Variants in NRBP2 observed in about 807,000 individuals in gnomAD.
NRBP2 encodes the protein nuclear receptor-binding protein 2.
Under a neutral mutation model 74.4 loss-of-function variants are expected in NRBP2, and 47 were observed. The ratio of observed to expected loss-of-function variants is 0.63; its 90% confidence interval spans 0.50 to 0.81. The LOEUF (loss-of-function observed/expected upper bound fraction) is 0.81, where lower values mean the gene tolerates loss of function less well. NRBP2 is among the 30% of genes least tolerant of loss of function. NRBP2 has a pLI of 0.00. For synonymous variants in NRBP2, 312 were observed against 273.8 expected (o/e 1.14, Z -1.38); for missense variants, 613 against 690.1 (o/e 0.89, Z 1.25).
Position 143,840,586 on chromosome 8 carries a change from G to A in NRBP2, c.129+120C>T. ...GGGTGGCTGATTCGCGGGCCGCGAGGGGCCGCGGAGAGGTTTCCAGCCGCC... is the reference window on the plus strand; with the variant it reads ...GGGTGGCTGATTCGCGGGCCGCGAGAGGCCGCGGAGAGGTTTCCAGCCGCC... On this transcript the variant is annotated intron_variant, in intron 1 of 17. Transcript: ENST00000442628. This position sits in a 1 kb window ranked among gnomAD's most constrained non-coding sequence, Gnocchi z 5.7. 2 of 1,024,042 alleles carry A rather than the reference G, an allele frequency of 2.0e-6. No homozygotes were observed. The highest frequency in any genetic ancestry group is 1.3e-6 in the Non-Finnish European group (1 of 748,258). The allele number at this position is 1,024,042 out of a possible 1,614,324, so 63.4% of individuals were successfully genotyped here. A position where few individuals can be genotyped will look rare whatever the true frequency, so the allele number is the denominator to read the frequency against.
In NRBP2 at chr8:143,835,533, T is replaced by A. The variant is rs1270172181; in HGVS notation, c.*129A>T. On this transcript the variant is annotated 3_prime_UTR_variant, in exon 18 of 18. Coordinates refer to ENST00000442628, the MANE Select transcript of NRBP2 (RefSeq NM_178564.4). This position sits in a 1 kb window ranked among gnomAD's most constrained non-coding sequence, Gnocchi z 4.9. ...AGCCCCACTCTCAGGAGACGGGGGG[T>A]TCCTTCACTACCGGGGCCTTTGTGC... The A allele has an allele frequency of 3.0e-6, 2 of 659,302 alleles. No homozygotes were observed. Among genetic ancestry groups the A allele is most frequent in the African/African-American group, 4.1e-5 (2 of 48,552 alleles). The allele number at this position is 659,302 out of a possible 1,614,324, so 40.8% of individuals were successfully genotyped here.
chr8:143,839,473 C>G lies in NRBP2; in HGVS notation c.485+36G>C, dbSNP rs1554652997. 10 of 1,531,546 alleles carry G rather than the reference C, an allele frequency of 6.5e-6. No homozygotes were observed. The South Asian group carries it at 1.1e-4, about 16-fold the overall frequency. 94.9% of individuals were successfully genotyped at this position (1,531,546 alleles called of 1,614,324 possible). ...AGGAGGCTCTGGAGAGATGGGGGCT[C>G]GGTGGCGCCGCGCCCAGGCCAGCCC... is the stretch of plus-strand genomic sequence containing the variant. On this transcript the variant is annotated intron_variant, in intron 5 of 17. Transcript: ENST00000442628. This position sits in a 1 kb window ranked among gnomAD's most constrained non-coding sequence, Gnocchi z 5.1.
In NRBP2 at chr8:143,835,778, G is replaced by C; in HGVS notation, c.1437+42C>G. The C allele has an allele frequency of 6.2e-7, 1 of 1,602,350 alleles. No homozygotes were observed. Among genetic ancestry groups the C allele is most frequent in the Non-Finnish European group, 8.5e-7 (1 of 1,174,490 alleles). The stretch of plus-strand genomic sequence containing the variant: ...GGGACGGAGGGGCGCGGCCTGCCCC[G>C]TGCGCCCCCTCCGCCAGGCCGCGCC... On this transcript the variant is annotated intron_variant, in intron 17 of 17. Transcript: ENST00000442628. The surrounding 1 kb of genome is among the most constrained non-coding windows in gnomAD (Gnocchi z 4.9).
intron 14 of NRBP2, among the ~76,000 whole-genome samples, chr8:143,836,711 A>T (rs61422275): frequency 2.6e-4 from 1 of 3,860 alleles, no homozygotes; most frequent in African/African-American, 3.5e-4. Context: ...GGGGGGTGGG[A>T]GGGGTGCGGG....
At position 143,840,588 on chromosome 8, in the gene NRBP2, G is replaced by T; in HGVS notation, c.129+118C>A. On this transcript the variant is annotated intron_variant, in intron 1 of 17. Coordinates refer to ENST00000442628, the MANE Select transcript of NRBP2 (RefSeq NM_178564.4). This position sits in a 1 kb window ranked among gnomAD's most constrained non-coding sequence, Gnocchi z 5.7. Reference sequence around the variant, plus strand: ...GTGGCTGATTCGCGGGCCGCGAGGGGCCGCGGAGAGGTTTCCAGCCGCCGC... The same window carrying T: ...GTGGCTGATTCGCGGGCCGCGAGGGTCCGCGGAGAGGTTTCCAGCCGCCGC... 9.6e-7 allele frequency: 1 copy of T among 1,040,584 alleles called. No homozygotes were observed. Among genetic ancestry groups the T allele is most frequent in the Non-Finnish European group, 1.3e-6 (1 of 763,062 alleles). 64.5% of individuals were successfully genotyped at this position (1,040,584 alleles called of 1,614,324 possible). A position where few individuals can be genotyped will look rare whatever the true frequency, so the allele number is the denominator to read the frequency against.
downstream of NRBP2, among the ~76,000 whole-genome samples, chr8:143,832,027 C>CT (rs1266326596): frequency 1.3e-5 from 2 of 152,226 alleles, 1 homozygote; most frequent in South Asian, 4.1e-4. Context: ...GTTACTGTGT[C>CT]TGTGTAGAAA....
rs782181494 is a variant in NRBP2 at position 143,836,060 on chromosome 8, G to T, written c.1318-30C>A. 3 of 1,567,192 alleles carry T rather than the reference G, an allele frequency of 1.9e-6. No homozygotes were observed. The East Asian group carries it at 6.8e-5, about 36-fold the overall frequency. Reference sequence around the variant, plus strand: ...GGAGGCGGCGGGGCGTGGTCGGCTGGGGGTTCAGGGCTCCGCCACGCTCCC... The same window carrying T: ...GGAGGCGGCGGGGCGTGGTCGGCTGTGGGTTCAGGGCTCCGCCACGCTCCC... On this transcript the variant is annotated intron_variant, in intron 15 of 17. Transcript: ENST00000442628.
Position 143,835,665 on chromosome 8 carries a change from G to C in NRBP2, c.1503C>G (p.Ala501=). 1 of 1,590,446 alleles carries C rather than the reference G, an allele frequency of 6.3e-7. No individual in the cohort carries two copies. Among genetic ancestry groups the C allele is most frequent in the African/African-American group, 1.4e-5 (1 of 73,944 alleles). ...CCCCTGGGGCTGGGGCTCCGGGTCA[G>C]GCCTGGGTCCCACGGTACTTGAGGA... is the stretch of plus-strand genomic sequence containing the variant. ...STFLKYRGTQ[A] Residue 501 remains alanine, a synonymous_variant, in exon 18 of 18, where the codon GCC becomes GCG. Coordinates refer to ENST00000442628, the MANE Select transcript of NRBP2 (RefSeq NM_178564.4). This position sits in a 1 kb window ranked among gnomAD's most constrained non-coding sequence, Gnocchi z 4.9.
In NRBP2 at chr8:143,837,034, C is replaced by G. The variant is rs376711467; in HGVS notation, c.1263+5G>C. On this transcript the variant is annotated splice_donor_5th_base_variant and intron_variant, in intron 14 of 17. Coordinates refer to ENST00000442628, the MANE Select transcript of NRBP2 (RefSeq NM_178564.4). This position sits in a 1 kb window ranked among gnomAD's most constrained non-coding sequence, Gnocchi z 4.3. ...TGGCACTGAGCAGCAGGAGAGGGGA[C>G]TCACCTTTCTGGTCTCAGAGTCAAA... 526 of 1,608,094 alleles carry G rather than the reference C, an allele frequency of 3.3e-4. No homozygotes were observed. The highest frequency in any genetic ancestry group is 4.3e-4 in the Non-Finnish European group (507 of 1,178,318).
Position 143,839,136 on chromosome 8 carries a change from T to C in NRBP2, c.604+36A>G. 6.6e-7 allele frequency: 1 copy of C among 1,510,836 alleles called. No individual in the cohort carries two copies. Among genetic ancestry groups the C allele is most frequent in the Non-Finnish European group, 8.8e-7 (1 of 1,131,586 alleles). 93.6% of individuals were successfully genotyped at this position (1,510,836 alleles called of 1,614,324 possible). A position where few individuals can be genotyped will look rare whatever the true frequency, so the allele number is the denominator to read the frequency against. On this transcript the variant is annotated intron_variant, in intron 7 of 17. Coordinates refer to ENST00000442628, the MANE Select transcript of NRBP2 (RefSeq NM_178564.4). This position sits in a 1 kb window ranked among gnomAD's most constrained non-coding sequence, Gnocchi z 5.1. ...GCGCAGAGCTGAGCGGGCGGGGACC[T>C]CTCCAGGACCCCGTCCCCCCAAAGT...
downstream of NRBP2, chr8:143,833,499 A>C (rs1324201920): frequency 2.0e-5 from 3 of 152,160 alleles, no homozygotes; most frequent in Non-Finnish European, 2.9e-5. Flanking sequence ...ATGTAGAAAA[A>C]CGAATAAACA....
intron 10 of NRBP2, 104 bp downstream of exon 10, chr8:143,838,576 C>T (rs1164578320): frequency 2.4e-6 from 2 of 825,952 alleles, no homozygotes; most frequent in South Asian, 1.6e-5. Flanking sequence ...GTATACCCCT[C>T]AACTGCACAA....
rs782483837 is a variant in NRBP2, at chr8:143,837,246, C to T, written c.1127+3G>A. The T allele has an allele frequency of 2.5e-6, 4 of 1,613,856 alleles. No homozygotes were observed. The Admixed American group carries it at 6.7e-5, about 27-fold the overall frequency. ...TGGCCCCCAACCTTACATCAGTTCTCACCTGACATCCTCCAGGAATTTGTC... is the reference window on the plus strand; with the variant it reads ...TGGCCCCCAACCTTACATCAGTTCTTACCTGACATCCTCCAGGAATTTGTC... On this transcript the variant is annotated splice_donor_region_variant and intron_variant, in intron 13 of 17. Transcript: ENST00000442628. This position sits in a 1 kb window ranked among gnomAD's most constrained non-coding sequence, Gnocchi z 4.3.
Position 143,836,318 on chromosome 8 carries a change from G to C in NRBP2, c.1264-138C>G, listed in dbSNP as rs200579519. On this transcript the variant is annotated intron_variant, in intron 14 of 17. Coordinates refer to ENST00000442628, the MANE Select transcript of NRBP2 (RefSeq NM_178564.4). ...GAGCCCATCTCACTGCTAGTGGCTT[G>C]GCAAGCTAAGGAAAGCTTCGAGAAG... 4 of 1,265,164 alleles carry C rather than the reference G, an allele frequency of 3.2e-6. No individual in the cohort carries two copies. The African/African-American group carries it at 4.8e-5, about 15-fold the overall frequency. 78.4% of individuals were successfully genotyped at this position (1,265,164 alleles called of 1,614,324 possible).
downstream of NRBP2, among the ~76,000 whole-genome samples, chr8:143,831,913 A>G (rs933041872): frequency 6.6e-6 from 1 of 152,244 alleles, no homozygotes; most frequent in African/African-American, 2.4e-5. Context: ...AATCCTGGGA[A>G]TAAATGATTT....
chr8:143,835,267 G>C lies in NRBP2; in HGVS notation c.*395C>G, dbSNP rs573276666. 1 of 274,850 alleles carries C rather than the reference G, an allele frequency of 3.6e-6. No individual in the cohort carries two copies. The highest frequency in any genetic ancestry group is 3.7e-5 in the South Asian group (1 of 26,846). 17.0% of individuals were successfully genotyped at this position (274,850 alleles called of 1,614,324 possible). On this transcript the variant is annotated 3_prime_UTR_variant, in exon 18 of 18. Transcript: ENST00000442628. This position sits in a 1 kb window ranked among gnomAD's most constrained non-coding sequence, Gnocchi z 4.9. The stretch of plus-strand genomic sequence containing the variant: ...CCAGACCCCATGGAGCAGTTCCCTG[G>C]GCAGAGGTCTGTCCAGGGCTGACCC...
rs1818660437 is a variant in NRBP2, at chr8:143,840,798, C to T, written c.37G>A (p.Glu13Lys). ...APEPAPRRAR[E>K]REREREDESE... ...TCGTCCTCCCGCTCCCGCTCCCGTT[C>T]CCGGGCCCGCCTCGGCGCCGGCTCC... Residue 13 changes from glutamate to lysine, a missense_variant, in exon 1 of 18, where the codon GAA becomes AAA. Glu to Lys is a moderately conservative substitution (Grantham distance 56). Around this residue, in one of 2 missense-constraint regions of NRBP2, gnomAD observed 332 missense variants for 429.2 expected, o/e 0.77. Transcript: ENST00000442628. This position sits in a 1 kb window ranked among gnomAD's most constrained non-coding sequence, Gnocchi z 5.7. The T allele has an allele frequency of 1.3e-6, 2 of 1,501,152 alleles. No individual in the cohort carries two copies. The highest frequency in any genetic ancestry group is 2.1e-5 in the Admixed American group (1 of 48,094). 93.0% of individuals were successfully genotyped at this position (1,501,152 alleles called of 1,614,324 possible). A position where few individuals can be genotyped will look rare whatever the true frequency, so the allele number is the denominator to read the frequency against.
Position 143,834,079 on chromosome 8 carries a change from C to G in NRBP2, c.*1583G>C, listed in dbSNP as rs1312417424. The G allele has an allele frequency of 6.6e-6, 1 of 152,158 alleles. No individual in the cohort carries two copies. The highest frequency in any genetic ancestry group is 1.5e-5 in the Non-Finnish European group (1 of 68,040). 9.4% of individuals were successfully genotyped at this position (152,158 alleles called of 1,614,324 possible). On this transcript the variant is annotated 3_prime_UTR_variant, in exon 18 of 18. Transcript: ENST00000442628. Reference sequence around the variant, plus strand: ...CAACAAAAGAGGTTCATTCCTTAATCCCTGGAACCAGTGAATGTTAGTTTA... The same window carrying G: ...CAACAAAAGAGGTTCATTCCTTAATGCCTGGAACCAGTGAATGTTAGTTTA...
rs1321057381 is a variant in NRBP2 at position 143,839,894 on chromosome 8, G to C, written c.354+35C>G. The C allele has an allele frequency of 6.5e-7, 1 of 1,535,030 alleles. No homozygotes were observed. The highest frequency in any genetic ancestry group is 8.7e-7 in the Non-Finnish European group (1 of 1,145,920). ...CCCCATGCCCGCCCCACCTAGCTGT[G>C]GTCTCTGCCTGCCCGGGGCCTTGCC... On this transcript the variant is annotated intron_variant, in intron 3 of 17. Transcript: ENST00000442628. The surrounding 1 kb of genome is among the most constrained non-coding windows in gnomAD (Gnocchi z 5.1).
Sources: allele counts gnomAD v4.1 joint callset (sites outside exome capture counted in the v4.1 genomes callset), GRCh38; gene constraint gnomAD v4.1.1; regional missense constraint gnomAD v4.1.1; non-coding constraint Gnocchi (gnomAD v3.1); transcripts MANE v1.5; gene names NCBI Gene and HGNC (gene_info 2026-07-23, HGNC 2026-07-21).